The following PDE4D variants were observed in gnomAD, a reference collection of about 807,000 sequenced individuals.
PDE4D encodes phosphodiesterase 4D, also known as 3',5'-cyclic-AMP phosphodiesterase 4D.
In PDE4D, 24 loss-of-function variants were observed where a neutral mutation model predicts 87.4. The ratio of observed to expected loss-of-function variants is 0.27; its 90% confidence interval spans 0.20 to 0.39. PDE4D has a LOEUF of 0.39. Ranked by LOEUF, PDE4D falls within the 10% of genes least tolerant of loss-of-function variation. The pLI, the probability that PDE4D is intolerant of heterozygous loss-of-function variation, is 1.00. For missense variants in PDE4D, 714 were observed against 1,041.0 expected, an observed-to-expected ratio of 0.69 and a Z score of 4.32; for synonymous variants, 384 against 383.2, an observed-to-expected ratio of 1.00 and a Z score of -0.02.
At chr5:59,475,948 A>G (rs1013738800) in intron 1 of PDE4D, among the ~76,000 whole-genome samples, 8 of 152,128 alleles carry the variant, frequency 5.3e-5, no homozygotes, top group African/African-American at 1.9e-4. Context: ...TATACAATGA[A>G]TATGTAAAGA....
Position 59,171,755 on chromosome 5 carries a change from G to GCTCT in PDE4D, c.808+8836_808+8839dup, listed in dbSNP as rs532830132. Among the ~76,000 whole-genome samples, 45 of 135,386 alleles carry GCTCT rather than the reference G, an allele frequency of 3.3e-4. 1 individual carries two copies. The highest frequency in any genetic ancestry group is 1.3e-3 in the African/African-American group (43 of 34,394). The allele number at this position is 135,386 out of a possible 152,430, so 88.8% of individuals were successfully genotyped here. A position where few individuals can be genotyped will look rare whatever the true frequency, so the allele number is the denominator to read the frequency against. On this transcript the variant is annotated intron_variant, in intron 5 of 14. Transcript: ENST00000340635. ...GAGCATTTCCTAGGTAGAGCCACTG[G>GCTCT]CTCTCTCTCTCTCTATATATGAATA...
intron 1 of PDE4D, among the ~76,000 whole-genome samples, chr5:59,557,965 G>A (rs1483440509): frequency 1.3e-5 from 2 of 152,092 alleles, no homozygotes; most frequent in African/African-American, 2.4e-5. Context: ...ATAAAATTAT[G>A]TATATTTAAT....
chr5:59,652,880 C>A (rs573157441), intron 1 of PDE4D, among the ~76,000 whole-genome samples: 1 of 151,928 alleles, frequency 6.6e-6, no homozygotes, highest in African/African-American at 2.4e-5. Flanking sequence ...AAACAAAATG[C>A]TGAATTCTTT....
chr5:60,474,825 C>A (rs538441942), intron 1 of PDE4D, among the ~76,000 whole-genome samples: 8 of 152,286 alleles, frequency 5.3e-5, no homozygotes, highest in African/African-American at 1.9e-4. Context: ...TCCAGAAGCC[C>A]CTTCATTCAG....
At chr5:59,813,526 G>A (rs1028976337) in intron 1 of PDE4D, among the ~76,000 whole-genome samples, 10 of 151,572 alleles carry the variant, frequency 6.6e-5, no homozygotes, top group South Asian at 4.1e-4. Context: ...ATTAAAATCC[G>A]TATGATTCAA....
At chr5:59,497,566 T>A (rs2153662946) in intron 1 of PDE4D, among the ~76,000 whole-genome samples, 1 of 152,160 alleles carries the variant, frequency 6.6e-6, no homozygotes, top group East Asian at 1.9e-4. Context: ...AACAACAGAC[T>A]ATACCAAGCA....
At chr5:59,795,041 C>A (rs1034121628) in intron 1 of PDE4D, among the ~76,000 whole-genome samples, 5 of 152,098 alleles carry the variant, frequency 3.3e-5, no homozygotes, top group Non-Finnish European at 5.9e-5. Context: ...TCTGCAATAC[C>A]AGGACTCATA....
At chr5:60,104,205 T>G (rs886344224) in intron 2 of PDE4D, among the ~76,000 whole-genome samples, 58 of 152,328 alleles carry the variant, frequency 3.8e-4, no homozygotes, top group Admixed American at 1.4e-3. Flanking sequence ...ACCAGGAGAT[T>G]ACATCCCACA....
At chr5:60,453,970 A>G (rs1746278826) in intron 1 of PDE4D, among the ~76,000 whole-genome samples, 1 of 152,140 alleles carries the variant, frequency 6.6e-6, no homozygotes, top group Admixed American at 6.6e-5. Flanking sequence ...TTTTACCTGC[A>G]TATATTCAGA....
At chr5:59,319,626 CAG>C (rs1183504750) in intron 1 of PDE4D, among the ~76,000 whole-genome samples, 2 of 152,136 alleles carry the variant, frequency 1.3e-5, no homozygotes, top group African/African-American at 4.8e-5. Flanking sequence ...GAAATAACAA[CAG>C]AGTCTCTATA....
chr5:59,583,660 C>T (rs908549739), intron 1 of PDE4D, among the ~76,000 whole-genome samples: 5 of 152,198 alleles, frequency 3.3e-5, no homozygotes, highest in African/African-American at 1.2e-4. Flanking sequence ...TTAACTTTAA[C>T]TCATAACTGA....
intron 1 of PDE4D, among the ~76,000 whole-genome samples, chr5:59,804,535 G>A (rs1581186865): frequency 6.6e-6 from 1 of 152,060 alleles, no homozygotes; most frequent in Non-Finnish European, 1.5e-5. Context: ...ACCCAGTAGT[G>A]GGTTAAACCC....
intron 1 of PDE4D, among the ~76,000 whole-genome samples, chr5:59,719,121 A>G (rs900820273): frequency 2.6e-5 from 4 of 152,172 alleles, no homozygotes; most frequent in African/African-American, 9.7e-5. Context: ...CCATGTACCA[A>G]AATGAATTTC....
At chr5:59,579,824 T>A (rs1373222076) in intron 1 of PDE4D, among the ~76,000 whole-genome samples, 2 of 152,168 alleles carry the variant, frequency 1.3e-5, no homozygotes, top group East Asian at 3.9e-4. Context: ...TGTGACACCT[T>A]TCCTAATATA....
intron 5 of PDE4D, among the ~76,000 whole-genome samples, chr5:59,130,310 A>G (rs1776090473): frequency 6.6e-6 from 1 of 152,214 alleles, no homozygotes; most frequent in Non-Finnish European, 1.5e-5. Context: ...CTTTGTGTAC[A>G]CTGAGATAAG....
chr5:60,250,145 TAA>T (rs1051392557), intron 1 of PDE4D, among the ~76,000 whole-genome samples: 9 of 152,000 alleles, frequency 5.9e-5, no homozygotes, highest in Non-Finnish European at 1.0e-4. Context: ...GAGTCAACAT[TAA>T]AAGAGTTTTT....
At chr5:59,678,791 T>C (rs1748539939) in intron 1 of PDE4D, among the ~76,000 whole-genome samples, 1 of 152,112 alleles carries the variant, frequency 6.6e-6, no homozygotes, top group African/African-American at 2.4e-5. Flanking sequence ...CCTAGTCCTT[T>C]ACTATTATCA....
chr5:59,909,588 T>C (rs545263588), intron 3 of PDE4D, among the ~76,000 whole-genome samples: 4 of 152,236 alleles, frequency 2.6e-5, no homozygotes, highest in Admixed American at 6.5e-5. Context: ...TTTTACCATG[T>C]TGCTCAGCCT....
At chr5:60,317,194 C>T (rs1431500612) in intron 1 of PDE4D, among the ~76,000 whole-genome samples, 1 of 152,172 alleles carries the variant, frequency 6.6e-6, no homozygotes, top group Non-Finnish European at 1.5e-5. Flanking sequence ...AGAGATTCAA[C>T]TTCTTCCTGG....
Sources: gnomAD v4.1 joint callset for allele counts (sites outside exome capture counted in the v4.1 genomes callset) on GRCh38, gnomAD v4.1.1 for gene constraint, MANE v1.5 for transcripts, NCBI Gene and HGNC (gene_info 2026-07-23, HGNC 2026-07-21) for gene names.